PGM1: variants seen among roughly 807,000 people sequenced by gnomAD.
PGM1 encodes phosphoglucomutase 1, also known as phosphoglucomutase-1.
Under a neutral mutation model 55.6 loss-of-function variants are expected in PGM1, and 52 were observed. The observed-to-expected ratio is 0.94, with a 90% CI of 0.75 to 1.18. The LOEUF (loss-of-function observed/expected upper bound fraction) is 1.18, where lower values mean the gene tolerates loss of function less well. Ranked by LOEUF, PGM1 falls within the 50% of genes most tolerant of loss-of-function variation. PGM1 has a pLI of 0.00. For synonymous variants in PGM1, 287 were observed against 271.7 expected, an observed-to-expected ratio of 1.06 and a Z score of -0.55; for missense variants, 724 against 729.3, an observed-to-expected ratio of 0.99 and a Z score of 0.08.
chr1:63,623,700 TG>T (rs1400073522), intron 1 of PGM1: 2 of 1,612,618 alleles, frequency 1.2e-6, no homozygotes, highest in Non-Finnish European at 1.7e-6. Flanking sequence ...TTGGTGGAGA[TG>T]GGCGGTACTT....
intron 1 of PGM1, among the ~76,000 whole-genome samples, chr1:63,595,047 T>TGAG (rs1445566643): frequency 6.6e-6 from 1 of 152,124 alleles, no homozygotes; most frequent in African/African-American, 2.4e-5. Context: ...TAAGGAGTTC[T>TGAG]GAGGACCAAG....
intron 1 of PGM1, among the ~76,000 whole-genome samples, chr1:63,617,610 G>T (rs1284619292): frequency 6.6e-6 from 1 of 151,626 alleles, no homozygotes; most frequent in Non-Finnish European, 1.5e-5. Context: ...TGGGATTGAG[G>T]CTGAGGCACG....
At chr1:63,596,800 C>T (rs1216491712) in intron 1 of PGM1, among the ~76,000 whole-genome samples, 1 of 152,130 alleles carries the variant, frequency 6.6e-6, no homozygotes, top group East Asian at 1.9e-4. Flanking sequence ...ATGTCAACGG[C>T]CTCCAACTAG....
In PGM1 at chr1:63,593,742, A is replaced by T. The variant is rs960263888; in HGVS notation, c.246+8A>T. 11 of 1,588,858 alleles carry T rather than the reference A, an allele frequency of 6.9e-6. No individual in the cohort carries two copies. Among genetic ancestry groups the T allele is most frequent in the Non-Finnish European group, 9.4e-6 (11 of 1,172,768 alleles). On this transcript the variant is annotated splice_region_variant and intron_variant, in intron 1 of 10. Transcript: ENST00000371084. ...ATCGCTGCCGCCAACGGGGTAAGGG[A>T]TGCGCGGCCCCGCGCCGCTGTGCAC...
chr1:63,639,838 A>G (rs1050057347), intron 7 of PGM1, among the ~76,000 whole-genome samples: 5 of 152,166 alleles, frequency 3.3e-5, no homozygotes, highest in Admixed American at 2.6e-4. Context: ...ATGAGCTGCT[A>G]AATTGGAGGC....
chr1:63,594,084 A>T, intron 1 of PGM1: 1 of 1,043,324 alleles, frequency 9.6e-7, no homozygotes, highest in Non-Finnish European at 1.1e-6. Flanking sequence ...CATTTGCCCT[A>T]ACCTTGCAGC....
rs180671659 is a variant in PGM1, at chr1:63,658,491, G to A, written c.1600-1095G>A. On this transcript the variant is annotated intron_variant, in intron 10 of 10. Transcript: ENST00000371084. ...TATTAGGCCGGGTGCGGTGGCTCAC[G>A]CCTGTAATCCCAACACTTTGGGAGG... Among the ~76,000 whole-genome samples, 1,306 of 151,476 alleles carry A rather than the reference G, an allele frequency of 8.6e-3. 18 individuals carry two copies. The highest frequency in any genetic ancestry group is 0.03 in the African/African-American group (1,247 of 41,262).
At chr1:63,653,945 A>G (rs115084158) in intron 9 of PGM1, among the ~76,000 whole-genome samples, 2,143 of 152,242 alleles carry the variant, frequency 0.014, 54 homozygotes, top group African/African-American at 0.049. Context: ...CCTTTGGTCC[A>G]TGTTTCCCTC....
intron 1 of PGM1, chr1:63,623,082 C>T: frequency 6.1e-6 from 2 of 330,176 alleles, no homozygotes; most frequent in Non-Finnish European, 9.0e-6. Flanking sequence ...TGGAGCCTGT[C>T]AGCCACCTGG....
At chr1:63,612,720 T>C (rs1453315868) in intron 1 of PGM1, among the ~76,000 whole-genome samples, 1 of 152,216 alleles carries the variant, frequency 6.6e-6, no homozygotes, top group Non-Finnish European at 1.5e-5. Flanking sequence ...TCCTTCACTA[T>C]TGCAGTTTCT....
rs1469110428 is a variant in PGM1, at chr1:63,629,926, G to A, written c.410-16G>A. 8 of 1,613,806 alleles carry A rather than the reference G, an allele frequency of 5.0e-6. No individual in the cohort carries two copies. The highest frequency in any genetic ancestry group is 6.8e-6 in the Non-Finnish European group (8 of 1,179,866). On this transcript the variant is annotated splice_polypyrimidine_tract_variant and intron_variant, in intron 2 of 10. Transcript: ENST00000371084. Reference sequence around the variant, plus strand: ...AGCTGCACGAAGTAACCCACTGTTTGCTGTTTGGTTTCCAGGTCCTGCTCC... The same window carrying A: ...AGCTGCACGAAGTAACCCACTGTTTACTGTTTGGTTTCCAGGTCCTGCTCC...
intron 1 of PGM1, among the ~76,000 whole-genome samples, chr1:63,621,109 T>C (rs572072390): frequency 2.6e-5 from 4 of 152,356 alleles, no homozygotes; most frequent in African/African-American, 9.6e-5. Flanking sequence ...CATAAAATTA[T>C]GATCAGGCCC....
At chr1:63,636,614 A>C (rs897547751) in intron 6 of PGM1, among the ~76,000 whole-genome samples, 2 of 151,660 alleles carry the variant, frequency 1.3e-5, no homozygotes, top group Non-Finnish European at 2.9e-5. Context: ...CACTTACCAC[A>C]CTGTGTTCTA....
chr1:63,627,124 T>C (rs1309419193), intron 1 of PGM1, among the ~76,000 whole-genome samples: 1 of 149,410 alleles, frequency 6.7e-6, no homozygotes, highest in East Asian at 2.0e-4. Context: ...ACACAATATT[T>C]TGTTTATCCA....
chr1:63,601,146 G>C (rs186732269), intron 1 of PGM1, among the ~76,000 whole-genome samples: 35 of 152,300 alleles, frequency 2.3e-4, no homozygotes, highest in African/African-American at 7.9e-4. Flanking sequence ...AAGAGGAGAA[G>C]AGCATTTGCT....
chr1:63,646,488 A>G (rs1395157967), intron 7 of PGM1, among the ~76,000 whole-genome samples: 1 of 152,138 alleles, frequency 6.6e-6, no homozygotes, highest in Non-Finnish European at 1.5e-5. Context: ...CTCCTTTAAG[A>G]GACATCATTA....
chr1:63,631,519 A>G, intron 3 of PGM1, 138 bp from the exon 4 acceptor site: 1 of 780,482 alleles, frequency 1.3e-6, no homozygotes, highest in Middle Eastern at 3.4e-4. Flanking sequence ...ATCACTTAAC[A>G]GCCGTATTAT....
At chr1:63,633,932 AT>A (rs60609353) in intron 4 of PGM1, among the ~76,000 whole-genome samples, 1,273 of 35,260 alleles carry the variant, frequency 0.036, 97 homozygotes, top group East Asian at 0.11. Context: ...ATATATATAT[AT>A]TTTTTTTTTT....
chr1:63,593,424 C>T lies in PGM1; in HGVS notation c.-65C>T. 1.2e-6 allele frequency: 2 copies of T among 1,607,520 alleles called. No homozygotes were observed. The highest frequency in any genetic ancestry group is 1.1e-5 in the South Asian group (1 of 90,190). On this transcript the variant is annotated 5_prime_UTR_variant, in exon 1 of 11. Transcript: ENST00000371084. ...TGCCCTCACCCCAGAGCAGCTGCAG[C>T]CTCAGCCGGCCGCCCCTCCGCCAGC...
Sources: gnomAD v4.1 joint callset for allele counts (sites outside exome capture counted in the v4.1 genomes callset) on GRCh38, gnomAD v4.1.1 for gene constraint, MANE v1.5 for transcripts, NCBI Gene and HGNC (gene_info 2026-07-23, HGNC 2026-07-21) for gene names.